The following ARHGAP42 variants were observed in gnomAD, a reference collection of about 807,000 sequenced individuals.
The protein encoded by ARHGAP42 is Rho GTPase activating protein 42.
In ARHGAP42, 63 loss-of-function variants were observed where a neutral mutation model predicts 125.0. That is an observed-to-expected ratio of 0.50 (90% CI 0.41 to 0.62). The LOEUF (loss-of-function observed/expected upper bound fraction) is 0.62, where lower values mean the gene tolerates loss of function less well. Ranked by LOEUF, ARHGAP42 falls within the 20% of genes least tolerant of loss-of-function variation. The pLI, the probability that ARHGAP42 is intolerant of heterozygous loss-of-function variation, is 0.00. For missense variants in ARHGAP42, 766 were observed against 1,024.2 expected (o/e 0.75, Z 3.44); for synonymous variants, 339 against 351.0 (o/e 0.97, Z 0.38).
intron 1 of ARHGAP42, among the ~76,000 whole-genome samples, chr11:100,754,191 TG>T (rs1450170185): frequency 6.6e-6 from 1 of 152,240 alleles, no homozygotes; most frequent in Non-Finnish European, 1.5e-5. Context: ...CTCACCGAAT[TG>T]GTAAGATTCC....
chr11:100,817,836 C>T (rs1864305284), intron 3 of ARHGAP42, among the ~76,000 whole-genome samples: 1 of 152,176 alleles, frequency 6.6e-6, no homozygotes, highest in Non-Finnish European at 1.5e-5. Flanking sequence ...GAAGATTACT[C>T]AGCTATCTCC....
intron 3 of ARHGAP42, among the ~76,000 whole-genome samples, chr11:100,856,329 A>T (rs1008807519): frequency 6.6e-6 from 1 of 152,100 alleles, no homozygotes; most frequent in African/African-American, 2.4e-5. Context: ...TAATCCTACC[A>T]AAATTTTAAC....
rs575640498 is a variant in ARHGAP42, at chr11:100,687,541, T to A, written c.-138T>A. On this transcript the variant is annotated 5_prime_UTR_variant, in exon 1 of 24. Coordinates refer to ENST00000298815, the MANE Select transcript of ARHGAP42 (RefSeq NM_152432.4). Reference sequence around the variant, plus strand: ...GGCGCGGCGCTCGGGGCCCGTTTCCTCCGCGCAATCAGTCCCCTCGCGTCC... The same window carrying A: ...GGCGCGGCGCTCGGGGCCCGTTTCCACCGCGCAATCAGTCCCCTCGCGTCC... 229 of 568,870 alleles carry A rather than the reference T, an allele frequency of 4.0e-4. 1 individual carries two copies. In the African/African-American group the frequency reaches 4.1e-3, roughly 10 times the overall value. The allele number at this position is 568,870 out of a possible 1,614,324, so 35.2% of individuals were successfully genotyped here.
intron 3 of ARHGAP42, chr11:100,839,980 G>A (rs188911546): frequency 1.2e-4 from 18 of 152,270 alleles, no homozygotes; most frequent in Admixed American, 9.8e-4. Context: ...GATGTGTGGT[G>A]TGACCCAGAG....
chr11:100,971,188 T>C (rs567567258), intron 17 of ARHGAP42, among the ~76,000 whole-genome samples: 1 of 152,140 alleles, frequency 6.6e-6, no homozygotes, highest in East Asian at 1.9e-4. Context: ...ATTCTTTAAG[T>C]TTTTTTTATA....
chr11:100,933,108 A>G (rs1157714857), intron 6 of ARHGAP42, 48 bp from the exon 7 acceptor site: 1 of 1,262,598 alleles, frequency 7.9e-7, no homozygotes, highest in Non-Finnish European at 1.1e-6. Flanking sequence ...TCATTAAATG[A>G]TCATTAAAAC....
At chr11:100,942,899 A>G (rs1343488781) in intron 9 of ARHGAP42, among the ~76,000 whole-genome samples, 2 of 152,144 alleles carry the variant, frequency 1.3e-5, no homozygotes, top group Admixed American at 6.6e-5. Context: ...AATCCAACTT[A>G]TGTGACAGTG....
intron 4 of ARHGAP42, among the ~76,000 whole-genome samples, chr11:100,908,440 G>C (rs1866814337): frequency 6.6e-6 from 1 of 152,104 alleles, no homozygotes; most frequent in Non-Finnish European, 1.5e-5. Context: ...ACTCCACTCT[G>C]TATATTCATG....
chr11:100,815,876 C>T (rs1864255320), intron 3 of ARHGAP42, among the ~76,000 whole-genome samples: 3 of 152,136 alleles, frequency 2.0e-5, no homozygotes, highest in Non-Finnish European at 4.4e-5. Context: ...ATTCTAGATA[C>T]TATGTGCAAG....
chr11:100,835,477 A>G (rs1011473521), intron 3 of ARHGAP42, among the ~76,000 whole-genome samples: 1 of 152,094 alleles, frequency 6.6e-6, no homozygotes, highest in African/African-American at 2.4e-5. Flanking sequence ...ACTGCCTAGC[A>G]TTGTAACTTT....
chr11:100,932,407 A>G (rs921494710), intron 6 of ARHGAP42, among the ~76,000 whole-genome samples: 9 of 152,162 alleles, frequency 5.9e-5, no homozygotes, highest in Non-Finnish European at 7.4e-5. Context: ...TGAAATGAAA[A>G]TGCTTAAATT....
intron 22 of ARHGAP42, among the ~76,000 whole-genome samples, chr11:100,980,348 C>T (rs114123501): frequency 0.014 from 2,113 of 151,982 alleles, 48 homozygotes; most frequent in African/African-American, 0.047. Context: ...TGCCATGCTA[C>T]GTAGTTGAAT....
At chr11:100,858,948 T>A (rs1865384319) in intron 3 of ARHGAP42, among the ~76,000 whole-genome samples, 1 of 152,104 alleles carries the variant, frequency 6.6e-6, no homozygotes, top group African/African-American at 2.4e-5. Context: ...ATTAAAAGAT[T>A]TATTTGTTTT....
chr11:100,764,013 CT>C (rs1862771221), intron 1 of ARHGAP42, among the ~76,000 whole-genome samples: 1 of 143,198 alleles, frequency 7.0e-6, no homozygotes, highest in Non-Finnish European at 1.5e-5. Context: ...CCCTCTTCTT[CT>C]TCTTCTTCTT....
chr11:100,904,044 C>T (rs1241437998), intron 4 of ARHGAP42, among the ~76,000 whole-genome samples: 1 of 151,832 alleles, frequency 6.6e-6, no homozygotes, highest in Non-Finnish European at 1.5e-5. Flanking sequence ...CCCACTGACT[C>T]AAATGTTCAT....
chr11:100,907,246 T>C (rs1177085062), intron 4 of ARHGAP42, among the ~76,000 whole-genome samples: 1 of 152,238 alleles, frequency 6.6e-6, no homozygotes, highest in Admixed American at 6.5e-5. Flanking sequence ...TTTGAACAAC[T>C]CTTCATATGC....
At chr11:100,784,351 C>G (rs1281952668) in intron 2 of ARHGAP42, among the ~76,000 whole-genome samples, 1 of 152,100 alleles carries the variant, frequency 6.6e-6, no homozygotes, top group Admixed American at 6.6e-5. Context: ...ATGACATGAT[C>G]AAAGGTGCCC....
chr11:100,885,706 A>G (rs1014049370), intron 4 of ARHGAP42, among the ~76,000 whole-genome samples: 8 of 152,330 alleles, frequency 5.3e-5, no homozygotes, highest in African/African-American at 1.7e-4. Flanking sequence ...GAAATGGATC[A>G]TTGTCTGGAA....
At chr11:100,937,875 G>T (rs1197140627) in intron 8 of ARHGAP42, among the ~76,000 whole-genome samples, 1 of 152,098 alleles carries the variant, frequency 6.6e-6, no homozygotes, top group Non-Finnish European at 1.5e-5. Flanking sequence ...CAAGCTGTTG[G>T]ACATTTGGGT....
Sources: gnomAD v4.1 joint callset for allele counts (sites outside exome capture counted in the v4.1 genomes callset) on GRCh38, gnomAD v4.1.1 for gene constraint, MANE v1.5 for transcripts, NCBI Gene and HGNC (gene_info 2026-07-23, HGNC 2026-07-21) for gene names.